Variants in NLGN1 observed in about 807,000 individuals in gnomAD.
NLGN1 encodes neuroligin 1.
NLGN1 carries 12 observed loss-of-function variants against 65.5 expected under a neutral mutation model. The observed-to-expected ratio is 0.18, with a 90% CI of 0.12 to 0.30. The LOEUF is 0.30. NLGN1 is among the 10% of genes least tolerant of loss of function. NLGN1 has a pLI of 1.00. For synonymous variants in NLGN1, 350 were observed against 359.5 expected, an observed-to-expected ratio of 0.97 and a Z score of 0.30; for missense variants, 750 against 1,007.1, an observed-to-expected ratio of 0.74 and a Z score of 3.46.
intron 4 of NLGN1, among the ~76,000 whole-genome samples, chr3:174,265,049 A>T (rs373987626): frequency 6.6e-6 from 1 of 152,028 alleles, no homozygotes; most frequent in Non-Finnish European, 1.5e-5. Flanking sequence ...TCAGATCTCC[A>T]GCTGCGTGCT....
intron 4 of NLGN1, among the ~76,000 whole-genome samples, chr3:174,127,838 C>T (rs1208356088): frequency 6.6e-6 from 1 of 152,114 alleles, no homozygotes; most frequent in Non-Finnish European, 1.5e-5. Flanking sequence ...GCATCACAAA[C>T]ACAAATGTTT....
At chr3:174,203,469 T>C (rs566807430) in intron 4 of NLGN1, among the ~76,000 whole-genome samples, 28 of 152,216 alleles carry the variant, frequency 1.8e-4, no homozygotes, top group African/African-American at 6.3e-4. Flanking sequence ...AGGGAAGCCA[T>C]GGTAAGTATG....
intron 2 of NLGN1, among the ~76,000 whole-genome samples, chr3:173,532,022 T>A (rs900805177): frequency 6.6e-6 from 1 of 152,150 alleles, no homozygotes; most frequent in African/African-American, 2.4e-5. Context: ...TTGCTTCAAT[T>A]TCCTCTTCAC....
intron 2 of NLGN1, among the ~76,000 whole-genome samples, chr3:173,601,996 G>A (rs1006820009): frequency 2.6e-5 from 4 of 151,972 alleles, no homozygotes; most frequent in African/African-American, 7.2e-5. Context: ...TGTGAATTGA[G>A]GGACTGTATT....
chr3:173,950,794 G>A (rs1335870794), intron 4 of NLGN1, among the ~76,000 whole-genome samples: 1 of 147,740 alleles, frequency 6.8e-6, no homozygotes, highest in Non-Finnish European at 1.5e-5. Flanking sequence ...TGGCGACAGA[G>A]TAAGACTTCG....
chr3:174,034,066 A>G (rs1365157981), intron 4 of NLGN1, among the ~76,000 whole-genome samples: 1 of 152,136 alleles, frequency 6.6e-6, no homozygotes, highest in Non-Finnish European at 1.5e-5. Flanking sequence ...GAAAGAAGCC[A>G]GAGAGAAACA....
intron 4 of NLGN1, among the ~76,000 whole-genome samples, chr3:174,066,564 C>CTGTGTGTGTGTGTGTGTGTG (rs761468491): frequency 1.0e-5 from 1 of 100,050 alleles, no homozygotes; most frequent in African/African-American, 4.1e-5. Context: ...CTCTCTCTCT[C>CTGTGTGTGTGTGTGTGTGTG]TGTGTGTGTG....
intron 2 of NLGN1, among the ~76,000 whole-genome samples, chr3:173,459,940 A>T (rs1396235874): frequency 6.6e-6 from 1 of 152,094 alleles, no homozygotes. Flanking sequence ...AAACAAAAAG[A>T]TTATGAGAAG....
chr3:173,432,698 T>C (rs1404030606), intron 1 of NLGN1, among the ~76,000 whole-genome samples: 1 of 152,150 alleles, frequency 6.6e-6, no homozygotes, highest in Non-Finnish European at 1.5e-5. Flanking sequence ...TCTAGTAGTG[T>C]CTTTTGCATT....
chr3:173,534,174 C>T (rs1452266562), intron 2 of NLGN1, among the ~76,000 whole-genome samples: 1 of 152,180 alleles, frequency 6.6e-6, no homozygotes, highest in Non-Finnish European at 1.5e-5. Flanking sequence ...ATTAATTCCA[C>T]AGCTATTTTA....
chr3:173,424,212 G>A (rs376216381), intron 1 of NLGN1, among the ~76,000 whole-genome samples: 4 of 152,304 alleles, frequency 2.6e-5, no homozygotes, highest in South Asian at 2.1e-4. Context: ...CCCTGGGCCC[G>A]GCCTGTGAAG....
intron 4 of NLGN1, among the ~76,000 whole-genome samples, chr3:174,259,721 A>G (rs968912603): frequency 2.6e-5 from 4 of 151,556 alleles, no homozygotes; most frequent in Non-Finnish European, 4.4e-5. Context: ...TTTAGGGTAC[A>G]TGTGCACATT....
At chr3:173,746,491 G>A (rs1376767985) in intron 3 of NLGN1, among the ~76,000 whole-genome samples, 1 of 151,798 alleles carries the variant, frequency 6.6e-6, no homozygotes, top group Non-Finnish European at 1.5e-5. Context: ...GCCTTGTCCC[G>A]GTCTCTAGCT....
chr3:173,613,793 A>C (rs1382768335), intron 3 of NLGN1, among the ~76,000 whole-genome samples: 1 of 152,112 alleles, frequency 6.6e-6, no homozygotes, highest in Admixed American at 6.6e-5. Flanking sequence ...ATTTTCATGA[A>C]AGCCTGTAAA....
At chr3:173,582,743 A>G (rs1435567118) in intron 2 of NLGN1, among the ~76,000 whole-genome samples, 2 of 151,944 alleles carry the variant, frequency 1.3e-5, no homozygotes, top group South Asian at 2.1e-4. Context: ...ATTTTGATTT[A>G]TATAATTGCT....
intron 1 of NLGN1, among the ~76,000 whole-genome samples, chr3:173,420,898 G>A (rs1044342803): frequency 2.0e-4 from 30 of 152,202 alleles, no homozygotes; most frequent in African/African-American, 6.5e-4. Context: ...CATTGCCATT[G>A]CTCTGCTTAT....
Position 174,214,755 on chromosome 3 carries a change from A to G in NLGN1, c.647-60560A>G, listed in dbSNP as rs372354511. Among the ~76,000 whole-genome samples, 6 of 152,172 alleles carry G rather than the reference A, an allele frequency of 3.9e-5. No individual in the cohort carries two copies. The South Asian group carries it at 8.3e-4, about 21-fold the overall frequency. ...TCTCTAAAGTAAAAAGAGTTCACAG[A>G]TGGTCAGTAGGGTGATTGGTGGTCA... On this transcript the variant is annotated intron_variant, in intron 4 of 6. Transcript: ENST00000457714.
At chr3:174,281,626 A>C in exon 7 of NLGN1, 1 of 219,744 alleles carries the variant, frequency 4.6e-6, no homozygotes. Context: ...TGTCTGAAAT[A>C]TAAAAAATAA....
intron 2 of NLGN1, among the ~76,000 whole-genome samples, chr3:173,551,317 T>A (rs1211799197): frequency 6.6e-6 from 1 of 152,194 alleles, no homozygotes; most frequent in Admixed American, 6.6e-5. Flanking sequence ...AGCAGCTCGA[T>A]GTGTAAGCTA....
Sources: gnomAD v4.1 joint callset for allele counts (sites outside exome capture counted in the v4.1 genomes callset) on GRCh38, gnomAD v4.1.1 for gene constraint, MANE v1.5 for transcripts, NCBI Gene and HGNC (gene_info 2026-07-23, HGNC 2026-07-21) for gene names.